ABCB6: variants seen among roughly 807,000 people sequenced by gnomAD.
The protein encoded by ABCB6 is ATP binding cassette subfamily B member 6 (LAN blood group), also known as ATP-binding cassette sub-family B member 6.
Under a neutral mutation model 99.4 loss-of-function variants are expected in ABCB6, and 87 were observed. The ratio of observed to expected loss-of-function variants is 0.88; its 90% CI spans 0.74 to 1.05. The LOEUF (loss-of-function observed/expected upper bound fraction) is 1.05. Ranked by LOEUF, ABCB6 falls within the 50% of genes least tolerant of loss-of-function variation. The probability of loss-of-function intolerance (pLI) is 0.00; values close to 1 mark genes in which losing one functional copy is unlikely to be tolerated. For missense variants in ABCB6, 1,050 were observed against 1,097.9 expected, an observed-to-expected ratio of 0.96 and a Z score of 0.62; for synonymous variants, 482 against 447.5, an observed-to-expected ratio of 1.08 and a Z score of -0.97.
chr2:219,216,331 T>C lies in ABCB6; in HGVS notation c.970+33A>G, dbSNP rs768162824. The C allele has an allele frequency of 2.5e-6, 4 of 1,601,782 alleles. No homozygotes were observed. The African/African-American group carries it at 4.0e-5, about 16-fold the overall frequency. ...AGGGAATGCCTGTGGGAGGGACCTA[T>C]ACCTAGCAGGGTGAGGGCGGAGTCT... is the stretch of plus-strand genomic sequence containing the variant. On this transcript the variant is annotated intron_variant, in intron 4 of 18. Transcript: ENST00000265316. The surrounding 1 kb of genome is among the most constrained non-coding windows in gnomAD (Gnocchi z 4.2).
rs2106419811 is a variant in ABCB6, at chr2:219,209,845, T to C, written c.*93A>G. 1 of 994,140 alleles carries C rather than the reference T, an allele frequency of 1.0e-6. No individual in the cohort carries two copies. The highest frequency in any genetic ancestry group is 1.6e-6 in the Non-Finnish European group (1 of 621,916). The allele number at this position is 994,140 out of a possible 1,614,324, so 61.6% of individuals were successfully genotyped here. A position where few individuals can be genotyped will look rare whatever the true frequency, so the allele number is the denominator to read the frequency against. On this transcript the variant is annotated 3_prime_UTR_variant, in exon 19 of 19. Transcript: ENST00000265316. The stretch of plus-strand genomic sequence containing the variant: ...CTTTCCCTTACCATAGCTAGCACCA[T>C]ACCCCAAGACCAGGATGAAATAAGC...
chr2:219,211,077 C>G lies in ABCB6; in HGVS notation c.2000G>C (p.Gly667Ala), dbSNP rs1377097612. The G allele has an allele frequency of 2.5e-6, 4 of 1,614,020 alleles. No homozygotes were observed. The highest frequency in any genetic ancestry group is 1.3e-5 in the African/African-American group (1 of 74,906). The change falls in exon 15 of 19, where the codon GGA (glycine) becomes GCA (alanine). Residue 667 changes from glycine (G) to alanine (A), a missense_variant. Physicochemically the swap from Gly to Ala is moderately conservative, Grantham distance 60 (BLOSUM62 0). Coordinates refer to ENST00000265316, the MANE Select transcript of ABCB6 (RefSeq NM_005689.4). ...GAGGACAGTGTCTTGGGGCACAACT[C>G]CAATGTGAGACCGGAGAGAGGCCTG... is the stretch of plus-strand genomic sequence containing the variant. ...VTQASLRSHI[G>A]VVPQDTVLFN...
Position 219,216,620 on chromosome 2 carries a change from C to T in ABCB6, c.868+32G>A, listed in dbSNP as rs765580963. 31 of 1,545,908 alleles carry T rather than the reference C, an allele frequency of 2.0e-5. No individual in the cohort carries two copies. Among genetic ancestry groups the T allele is most frequent in the Admixed American group, 3.9e-5 (2 of 50,824 alleles). ...CCCAGCCACCAGGCTGATGAAGGAC[C>T]AGCACACTGAGCTGGTGCTCCTCCT... On this transcript the variant is annotated intron_variant, in intron 3 of 18. Transcript: ENST00000265316. The surrounding 1 kb of genome is among the most constrained non-coding windows in gnomAD (Gnocchi z 4.2).
rs1476371334 is a variant in ABCB6, at chr2:219,216,201, C to G, written c.971-21G>C. 1 of 1,575,786 alleles carries G rather than the reference C, an allele frequency of 6.3e-7. No individual in the cohort carries two copies. Among genetic ancestry groups the G allele is most frequent in the Non-Finnish European group, 8.6e-7 (1 of 1,157,258 alleles). On this transcript the variant is annotated intron_variant, in intron 4 of 18. Transcript: ENST00000265316. This position sits in a 1 kb window ranked among gnomAD's most constrained non-coding sequence, Gnocchi z 4.2. The stretch of plus-strand genomic sequence containing the variant: ...GAAGCCTGCAGGGAGCCGGGGGACG[C>G]CTCAGTAGGGCCTGGGAGCTGAGGG...
At chr2:219,210,587 G>A in intron 16 of ABCB6, 112 bp from the exon 17 acceptor site, 1 of 1,588,274 alleles carries the variant, frequency 6.3e-7, no homozygotes, top group Non-Finnish European at 8.6e-7. Context: ...TTGGGCTTGA[G>A]AACTGGAAAG....
At chr2:219,212,306 C>A (rs1439436051) in intron 14 of ABCB6, 81 bp downstream of exon 14, 4 of 1,234,602 alleles carry the variant, frequency 3.2e-6, no homozygotes, top group African/African-American at 3.0e-5. Flanking sequence ...AGGGTGACAT[C>A]TCCTCTCTCT....
intron 14 of ABCB6, among the ~76,000 whole-genome samples, chr2:219,212,026 G>A (rs1486940041): frequency 7.2e-5 from 11 of 151,994 alleles, no homozygotes; most frequent in Admixed American, 7.2e-4. Context: ...GCCTCCCAAA[G>A]TACTGGGATT....
At position 219,216,299 on chromosome 2, in the gene ABCB6, G is replaced by C. The variant is rs904474674; in HGVS notation, c.970+65C>G. On this transcript the variant is annotated intron_variant, in intron 4 of 18. Coordinates refer to ENST00000265316, the MANE Select transcript of ABCB6 (RefSeq NM_005689.4). The surrounding 1 kb of genome is among the most constrained non-coding windows in gnomAD (Gnocchi z 4.2). Reference sequence around the variant, plus strand: ...CTGGGGAGGAATGCTGGGAGAGGCGGATGCTGAGGGAATGCCTGTGGGAGG... The same window carrying C: ...CTGGGGAGGAATGCTGGGAGAGGCGCATGCTGAGGGAATGCCTGTGGGAGG... 3.8e-6 allele frequency: 6 copies of C among 1,587,690 alleles called. No homozygotes were observed. The African/African-American group carries it at 8.1e-5, about 21-fold the overall frequency.
intron 7 of ABCB6, 51 bp downstream of exon 7, chr2:219,214,338 A>G (rs559995056): frequency 6.5e-7 from 1 of 1,532,698 alleles, no homozygotes; most frequent in South Asian, 1.1e-5. Flanking sequence ...TCCTGGTTAC[A>G]CTCCTCCACA....
intron 1 of ABCB6, 150 bp from the exon 2 acceptor site, chr2:219,217,957 C>A: frequency 7.2e-7 from 1 of 1,379,844 alleles, no homozygotes; most frequent in South Asian, 1.5e-5. Flanking sequence ...AGTGACTCAG[C>A]AAAGACACAC....
At chr2:219,210,651 C>G in intron 16 of ABCB6, 60 bp downstream of exon 16, 11 of 1,609,358 alleles carry the variant, frequency 6.8e-6, no homozygotes, top group Non-Finnish European at 9.3e-6. Flanking sequence ...GGACAGTGCC[C>G]AGGAGGAACG....
Position 219,216,342 on chromosome 2 carries a change from G to C in ABCB6, c.970+22C>G. ...GTGGGAGGGACCTATACCTAGCAGG[G>C]TGAGGGCGGAGTCTCTCATACCTGT... is the stretch of plus-strand genomic sequence containing the variant. On this transcript the variant is annotated intron_variant, in intron 4 of 18. Coordinates refer to ENST00000265316, the MANE Select transcript of ABCB6 (RefSeq NM_005689.4). This position sits in a 1 kb window ranked among gnomAD's most constrained non-coding sequence, Gnocchi z 4.2. The C allele has an allele frequency of 6.2e-7, 1 of 1,606,148 alleles. No homozygotes were observed.
chr2:219,216,140 C>T lies in ABCB6; in HGVS notation c.1011G>A (p.Val337=), dbSNP rs747013438. ...SNLRTFLWIR[V]QQFTSRRVEL... ...CCACCCGCCGAGACGTGAACTGCTG[C>T]ACCCGGATCCACAGGAAGGTGCGCA... Residue 337 remains valine, a synonymous_variant, in exon 5 of 19, where the codon GTG becomes GTA. Transcript: ENST00000265316. The surrounding 1 kb of genome is among the most constrained non-coding windows in gnomAD (Gnocchi z 4.2). 22 of 1,601,350 alleles carry T rather than the reference C, an allele frequency of 1.4e-5. 1 individual carries two copies. In the South Asian group the frequency reaches 1.8e-4, roughly 13 times the overall value.
In ABCB6 at chr2:219,216,041, C is replaced by A. The variant is rs1160980835; in HGVS notation, c.1110G>T (p.Leu370=). 3 of 1,605,118 alleles carry A rather than the reference C, an allele frequency of 1.9e-6. No individual in the cohort carries two copies. The highest frequency in any genetic ancestry group is 1.7e-5 in the Admixed American group (1 of 59,636). The change falls in exon 5 of 19, where the codon CTG becomes CTT. Residue 370 remains leucine, a synonymous_variant. Transcript: ENST00000265316. This position sits in a 1 kb window ranked among gnomAD's most constrained non-coding sequence, Gnocchi z 4.2. ...TGGATGTGCCCCGATCCGCGATCCG[C>A]AGCACCTCCCCTGTGCGGCGCCCCA... ...WHLGRRTGEV[L]RIADRGTSSV...
chr2:219,211,901 C>T (rs1950583502), intron 14 of ABCB6, among the ~76,000 whole-genome samples: 1 of 151,872 alleles, frequency 6.6e-6, no homozygotes, highest in Non-Finnish European at 1.5e-5. Context: ...GTAGCTGGGA[C>T]TACAGGCGCC....
intron 5 of ABCB6, chr2:219,215,690 G>C (rs1410978515): frequency 4.3e-6 from 1 of 234,376 alleles, no homozygotes; most frequent in African/African-American, 2.3e-5. Flanking sequence ...GCAGTGAGCA[G>C]AGATTATGCC....
rs1464909700 is a variant in ABCB6, at chr2:219,218,391, C to A, written c.283G>T (p.Val95Leu). 4 of 1,612,182 alleles carry A rather than the reference C, an allele frequency of 2.5e-6. No individual in the cohort carries two copies. In the Admixed American group the frequency reaches 5.0e-5, roughly 20 times the overall value. The part of the protein sequence containing the change: ...ALPLAGLAGR[V>L]GTARGAPLPS... ...AGTGGGGCCCCCCGGGCAGTGCCCA[C>A]CCGGCCAGCCAGGCCGGCCAGGGGC... The change falls in exon 1 of 19, where the codon GTG becomes TTG. Residue 95 changes from valine to leucine, a missense_variant. Val to Leu is a conservative substitution (Grantham distance 32). Coordinates refer to ENST00000265316, the MANE Select transcript of ABCB6 (RefSeq NM_005689.4).
rs72552280 is a variant in ABCB6 at position 219,216,067 on chromosome 2, G to T, written c.1084C>A (p.Leu362Met). The T allele has an allele frequency of 1.2e-6, 2 of 1,605,170 alleles. No individual in the cohort carries two copies. The highest frequency in any genetic ancestry group is 1.7e-6 in the Non-Finnish European group (2 of 1,176,326). Reference sequence around the variant, plus strand: ...AGCACCTCCCCTGTGCGGCGCCCCAGGTGCCAGCGCAGTGAGAGCTCGTGC... The same window carrying T: ...AGCACCTCCCCTGTGCGGCGCCCCATGTGCCAGCGCAGTGAGAGCTCGTGC... ...HLHELSLRWH[L>M]GRRTGEVLRI... The change falls in exon 5 of 19, where the codon CTG becomes ATG. Residue 362 changes from leucine (L) to methionine (M), a missense_variant. Coordinates refer to ENST00000265316, the MANE Select transcript of ABCB6 (RefSeq NM_005689.4). The surrounding 1 kb of genome is among the most constrained non-coding windows in gnomAD (Gnocchi z 4.2).
Position 219,218,402 on chromosome 2 carries a change from A to G in ABCB6, c.272T>C (p.Leu91Pro), listed in dbSNP as rs1950675253. The stretch of plus-strand genomic sequence containing the variant: ...CCGGGCAGTGCCCACCCGGCCAGCC[A>G]GGCCGGCCAGGGGCAGCGCCGCCTG... ...TLQAALPLAG[L>P]AGRVGTARGA... Residue 91 changes from leucine (L) to proline (P), a missense_variant, in exon 1 of 19, where the codon CTG becomes CCG. Leu to Pro is a moderately conservative substitution (Grantham distance 98). Transcript: ENST00000265316. 1 of 1,611,718 alleles carries G rather than the reference A, an allele frequency of 6.2e-7. No individual in the cohort carries two copies. Among genetic ancestry groups the G allele is most frequent in the African/African-American group, 1.3e-5 (1 of 74,914 alleles).
Sources: allele counts gnomAD v4.1 joint callset (sites outside exome capture counted in the v4.1 genomes callset), GRCh38; gene constraint gnomAD v4.1.1; non-coding constraint Gnocchi (gnomAD v3.1); transcripts MANE v1.5; gene names NCBI Gene and HGNC (gene_info 2026-07-23, HGNC 2026-07-21).